Variants in KHDRBS2 observed in about 807,000 individuals in gnomAD.
KHDRBS2 encodes KH domain-containing, RNA-binding, signal transduction-associated protein 2.
KHDRBS2 carries 26 observed loss-of-function variants against 44.3 expected under a neutral mutation model. The ratio of observed to expected loss-of-function variants is 0.59; its 90% CI spans 0.43 to 0.81. The LOEUF is 0.81. Ranked by LOEUF, KHDRBS2 falls within the 40% of genes least tolerant of loss-of-function variation. KHDRBS2 has a pLI of 0.00. For missense variants in KHDRBS2, 476 were observed against 433.1 expected, an observed-to-expected ratio of 1.10 and a Z score of -0.88; for synonymous variants, 194 against 151.1, an observed-to-expected ratio of 1.28 and a Z score of -2.08.
the KHDRBS2 span, among the ~76,000 whole-genome samples, chr6:61,592,515 G>A: frequency 2.0e-5 from 3 of 152,212 alleles, no homozygotes; most frequent in Middle Eastern, 0.01. Flanking sequence ...TAAAGGGGCA[G>A]GCCTGAGAGA....
chr6:62,132,092 CTAAG>C (rs1274304412), intron 2 of KHDRBS2, among the ~76,000 whole-genome samples: 1 of 152,042 alleles, frequency 6.6e-6, no homozygotes, highest in African/African-American at 2.4e-5. Context: ...TTTCACATTA[CTAAG>C]TAATCAAAAA....
chr6:62,242,111 T>A (rs917643536), intron 1 of KHDRBS2, among the ~76,000 whole-genome samples: 4 of 152,166 alleles, frequency 2.6e-5, no homozygotes, highest in African/African-American at 9.7e-5. Context: ...ATCATATTAT[T>A]AAAATTTACA....
intron 4 of KHDRBS2, among the ~76,000 whole-genome samples, chr6:61,919,039 C>A (rs1807541874): frequency 6.6e-6 from 1 of 151,858 alleles, no homozygotes; most frequent in Non-Finnish European, 1.5e-5. Context: ...GACCCCACTT[C>A]TGGAGATTTG....
the KHDRBS2 span, among the ~76,000 whole-genome samples, chr6:61,669,860 T>A: frequency 2.7e-3 from 408 of 151,204 alleles, no homozygotes; most frequent in African/African-American, 9.5e-3. Flanking sequence ...CATCCCCGCA[T>A]ACACAAATCA....
intron 6 of KHDRBS2, among the ~76,000 whole-genome samples, chr6:61,875,355 A>G (rs896554976): frequency 6.6e-6 from 1 of 152,072 alleles, no homozygotes. Flanking sequence ...TGGAGCAAGA[A>G]GCTAAGCTTG....
chr6:62,065,035 C>G (rs1425635734), intron 2 of KHDRBS2, among the ~76,000 whole-genome samples: 1 of 152,190 alleles, frequency 6.6e-6, no homozygotes. Flanking sequence ...TGAAAAAATG[C>G]TCGTCATCAC....
chr6:62,228,381 T>C (rs1007431359), intron 1 of KHDRBS2, among the ~76,000 whole-genome samples: 3 of 152,158 alleles, frequency 2.0e-5, no homozygotes, highest in Non-Finnish European at 4.4e-5. Flanking sequence ...CCCTTTATCA[T>C]TTTTTATTGT....
chr6:62,083,679 C>G (rs1158595643), intron 2 of KHDRBS2, among the ~76,000 whole-genome samples: 2 of 152,166 alleles, frequency 1.3e-5, no homozygotes, highest in Non-Finnish European at 2.9e-5. Flanking sequence ...TGCTCCACCT[C>G]CTGTGAGGGG....
Position 62,154,245 on chromosome 6 carries a change from C to T in KHDRBS2, c.219+22940G>A, listed in dbSNP as rs542965460. Among the ~76,000 whole-genome samples, 18 of 152,298 alleles carry T rather than the reference C, an allele frequency of 1.2e-4. No individual in the cohort carries two copies. In the South Asian group the frequency reaches 3.5e-3, roughly 30 times the overall value. Reference sequence around the variant, plus strand: ...ACCAGGCTCCAGGGACACACCACCACTCAGGTGTCACGGAGATTCTCTCTG... The same window carrying T: ...ACCAGGCTCCAGGGACACACCACCATTCAGGTGTCACGGAGATTCTCTCTG... On this transcript the variant is annotated intron_variant, in intron 2 of 8. Coordinates refer to ENST00000281156, the MANE Select transcript of KHDRBS2 (RefSeq NM_152688.4).
intron 3 of KHDRBS2, among the ~76,000 whole-genome samples, chr6:62,013,983 G>T (rs1303183680): frequency 6.6e-6 from 1 of 152,186 alleles, no homozygotes; most frequent in Non-Finnish European, 1.5e-5. Context: ...TTACAAAGCA[G>T]TTATGTGTGA....
At chr6:61,722,174 G>A (rs149946361) in intron 7 of KHDRBS2, among the ~76,000 whole-genome samples, 3,772 of 152,072 alleles carry the variant, frequency 0.025, 75 homozygotes, top group Middle Eastern at 0.082. Context: ...TGCTGGATTC[G>A]GTTTGCCATT....
At chr6:62,227,402 A>G (rs1413791805) in intron 1 of KHDRBS2, among the ~76,000 whole-genome samples, 1 of 152,212 alleles carries the variant, frequency 6.6e-6, no homozygotes, top group African/African-American at 2.4e-5. Flanking sequence ...GAAGTTGCTT[A>G]GCAGCTTAAG....
intron 6 of KHDRBS2, among the ~76,000 whole-genome samples, chr6:61,867,492 T>G (rs1035308875): frequency 6.6e-6 from 1 of 152,174 alleles, no homozygotes; most frequent in African/African-American, 2.4e-5. Context: ...TTCTGAACTC[T>G]TGCTAGGGAG....
At chr6:61,699,088 T>G (rs1582227625) in intron 7 of KHDRBS2, among the ~76,000 whole-genome samples, 2 of 152,192 alleles carry the variant, frequency 1.3e-5, no homozygotes, top group South Asian at 4.1e-4. Flanking sequence ...GGTCTCTCAT[T>G]TATTTCATTT....
chr6:61,773,879 A>G (rs1165078173), intron 6 of KHDRBS2, among the ~76,000 whole-genome samples: 1 of 150,622 alleles, frequency 6.6e-6, no homozygotes, highest in South Asian at 2.1e-4. Context: ...CAGTTTTCCC[A>G]GCACCATTTA....
chr6:61,926,477 A>G (rs1180786863), intron 4 of KHDRBS2, among the ~76,000 whole-genome samples: 1 of 152,152 alleles, frequency 6.6e-6, no homozygotes, highest in Non-Finnish European at 1.5e-5. Flanking sequence ...TTTATATAAC[A>G]TGCTAGAAGA....
At chr6:62,093,590 G>T (rs933937221) in intron 2 of KHDRBS2, among the ~76,000 whole-genome samples, 1 of 151,752 alleles carries the variant, frequency 6.6e-6, no homozygotes, top group Non-Finnish European at 1.5e-5. Context: ...TGGAACACCA[G>T]AATTTATTCT....
chr6:61,594,240 G>A, the KHDRBS2 span, among the ~76,000 whole-genome samples: 1 of 93,642 alleles, frequency 1.1e-5, no homozygotes, highest in South Asian at 2.6e-4. Flanking sequence ...ATGAGCAACA[G>A]TTTAAACAAA....
intron 4 of KHDRBS2, among the ~76,000 whole-genome samples, chr6:61,923,913 C>A (rs781247039): frequency 1.3e-5 from 2 of 151,874 alleles, no homozygotes; most frequent in African/African-American, 4.8e-5. Context: ...TTAATGGAAT[C>A]TTTAAAAAGT....
Sources: gnomAD v4.1 joint callset for allele counts (sites outside exome capture counted in the v4.1 genomes callset) on GRCh38, gnomAD v4.1.1 for gene constraint, MANE v1.5 for transcripts, NCBI Gene and HGNC (gene_info 2026-07-23, HGNC 2026-07-21) for gene names.